Variants in TAOK3 observed in about 807,000 individuals in gnomAD.
TAOK3 encodes serine/threonine-protein kinase TAO3.
Under a neutral mutation model 120.4 loss-of-function variants are expected in TAOK3, and 40 were observed. That is an observed-to-expected ratio of 0.33 (90% confidence interval 0.26 to 0.43). The LOEUF (loss-of-function observed/expected upper bound fraction) is 0.43. Among genes scored for constraint, TAOK3 ranks in the 20% least tolerant of loss-of-function variants. The pLI is 1.00. For missense variants in TAOK3, 821 were observed against 1,112.1 expected (o/e 0.74, Z 3.72); for synonymous variants, 355 against 387.5 (o/e 0.92, Z 0.99).
At position 118,272,548 on chromosome 12, in the gene TAOK3, A is replaced by C. The variant is rs185143169; in HGVS notation, c.-193-5789T>G. On this transcript the variant is annotated intron_variant, in intron 1 of 20. Transcript: ENST00000392533. ...AGTATTAATAAAGTAAATAAGAATT[A>C]GAATGTTTCATACTGGAAAGAATTT... 9.3e-4 allele frequency among the ~76,000 whole-genome samples: 141 copies of C among 152,330 alleles called. 3 individuals are homozygous for C. Among genetic ancestry groups the C allele is most frequent in the Middle Eastern group, 3.4e-3 (1 of 294 alleles).
At chr12:118,351,638 C>T (rs778397581) in intron 1 of TAOK3, among the ~76,000 whole-genome samples, 19 of 151,904 alleles carry the variant, frequency 1.3e-4, no homozygotes, top group Non-Finnish European at 2.5e-4. Flanking sequence ...GATAAGAGAC[C>T]GATTATAACA....
In TAOK3 at chr12:118,151,166, A is replaced by G. The variant is rs760474385; in HGVS notation, c.2536-8T>C. On this transcript the variant is annotated splice_polypyrimidine_tract_variant and splice_region_variant and intron_variant, in intron 20 of 20. Transcript: ENST00000392533. The stretch of plus-strand genomic sequence containing the variant: ...AGCCAGCTCCTCTTCAATCTGAAAG[A>G]AGCACGATGCAGTTCTTAATGGAAA... 6.2e-6 allele frequency: 10 copies of G among 1,611,432 alleles called. No individual in the cohort carries two copies. The highest frequency in any genetic ancestry group is 1.1e-5 in the South Asian group (1 of 91,060).
At chr12:118,214,484 G>A (rs2038783988) in intron 9 of TAOK3, among the ~76,000 whole-genome samples, 1 of 151,568 alleles carries the variant, frequency 6.6e-6, no homozygotes, top group Admixed American at 6.6e-5. Context: ...TGGGTATTTG[G>A]TGAAAAAGAA....
At chr12:118,272,250 C>A (rs2041731450) in intron 1 of TAOK3, among the ~76,000 whole-genome samples, 2 of 147,144 alleles carry the variant, frequency 1.4e-5, no homozygotes, top group Non-Finnish European at 3.0e-5. Context: ...CCGAGTTACA[C>A]CACTGCACTC....
chr12:118,342,935 TAAAA>T (rs760467619), intron 1 of TAOK3, among the ~76,000 whole-genome samples: 3 of 59,674 alleles, frequency 5.0e-5, no homozygotes, highest in Admixed American at 2.2e-4. Context: ...CTCTGTCTGC[TAAAA>T]AAAAAAAAAA....
chr12:118,217,616 G>A (rs559575638), intron 9 of TAOK3, among the ~76,000 whole-genome samples: 10 of 150,972 alleles, frequency 6.6e-5, no homozygotes, highest in Admixed American at 3.3e-4. Context: ...CCCGGGAGGC[G>A]GAGGTTGCAA....
At chr12:118,222,075 A>C (rs1320570018) in intron 9 of TAOK3, among the ~76,000 whole-genome samples, 1 of 152,222 alleles carries the variant, frequency 6.6e-6, no homozygotes, top group Non-Finnish European at 1.5e-5. Context: ...TCTGTCATGT[A>C]AGATCAAGGT....
chr12:118,370,621 T>C (rs1165833237), intron 1 of TAOK3, among the ~76,000 whole-genome samples: 1 of 152,160 alleles, frequency 6.6e-6, no homozygotes, highest in Non-Finnish European at 1.5e-5. Flanking sequence ...AAAAGGAGGT[T>C]TTAAAAATTC....
At chr12:118,317,304 T>C (rs983406546) in intron 1 of TAOK3, among the ~76,000 whole-genome samples, 12 of 150,120 alleles carry the variant, frequency 8.0e-5, no homozygotes, top group African/African-American at 2.9e-4. Context: ...GAGAATTTTT[T>C]TTTTTTTTTT....
intron 1 of TAOK3, among the ~76,000 whole-genome samples, chr12:118,315,463 GT>G (rs2043423369): frequency 6.6e-6 from 1 of 152,104 alleles, no homozygotes; most frequent in African/African-American, 2.4e-5. Flanking sequence ...AAAATGTATT[GT>G]TTGTAGCACA....
intron 13 of TAOK3, among the ~76,000 whole-genome samples, chr12:118,192,726 C>T (rs533275485): frequency 6.6e-6 from 1 of 152,270 alleles, no homozygotes; most frequent in East Asian, 1.9e-4. Context: ...AGTAACAGTG[C>T]CTCTGTAAGA....
intron 11 of TAOK3, among the ~76,000 whole-genome samples, chr12:118,206,704 C>G (rs927877256): frequency 6.6e-6 from 1 of 152,162 alleles, no homozygotes; most frequent in African/African-American, 2.4e-5. Flanking sequence ...TCAAGCAATT[C>G]CCCTGTTTCA....
intron 1 of TAOK3, among the ~76,000 whole-genome samples, chr12:118,316,723 G>T (rs1009995034): frequency 1.3e-5 from 2 of 152,000 alleles, no homozygotes; most frequent in Admixed American, 6.6e-5. Context: ...CCAATGACAT[G>T]ATCTTATATC....
intron 3 of TAOK3, chr12:118,246,583 G>A: frequency 1.3e-6 from 2 of 1,570,894 alleles, no homozygotes; most frequent in Non-Finnish European, 1.7e-6. Context: ...CCCGTGCGCA[G>A]AGGCTACTGG....
At chr12:118,281,989 C>T (rs917557587) in intron 1 of TAOK3, among the ~76,000 whole-genome samples, 8 of 152,066 alleles carry the variant, frequency 5.3e-5, no homozygotes, top group Non-Finnish European at 1.0e-4. Flanking sequence ...AATACTCTTG[C>T]GGTTTGTGGC....
chr12:118,194,711 G>A (rs1390302824), intron 13 of TAOK3, among the ~76,000 whole-genome samples: 1 of 150,922 alleles, frequency 6.6e-6, no homozygotes, highest in African/African-American at 2.4e-5. Flanking sequence ...TAACAGGAAG[G>A]GTCAAATAAA....
intron 16 of TAOK3, among the ~76,000 whole-genome samples, chr12:118,174,910 C>T (rs550451725): frequency 8.3e-4 from 127 of 152,312 alleles, no homozygotes; most frequent in Middle Eastern, 3.4e-3. Context: ...GATCCACCCA[C>T]CTTGGCCTCC....
chr12:118,253,768 A>C (rs1342192452), intron 3 of TAOK3, among the ~76,000 whole-genome samples: 5 of 123,616 alleles, frequency 4.0e-5, no homozygotes, highest in African/African-American at 1.6e-4. Flanking sequence ...AAAAAAAAAA[A>C]CAGGGCCCGG....
intron 9 of TAOK3, among the ~76,000 whole-genome samples, chr12:118,229,288 T>C (rs1385824352): frequency 6.6e-6 from 1 of 151,908 alleles, no homozygotes; most frequent in Non-Finnish European, 1.5e-5. Context: ...TTAGTAGAGG[T>C]GGGGTTTCAC....
Sources: allele counts gnomAD v4.1 joint callset (sites outside exome capture counted in the v4.1 genomes callset), GRCh38; gene constraint gnomAD v4.1.1; transcripts MANE v1.5; gene names NCBI Gene and HGNC (gene_info 2026-07-23, HGNC 2026-07-21).